Variants in CD69 observed in about 807,000 individuals in gnomAD.
The protein encoded by CD69 is CD69 molecule.
A neutral mutation model predicts 21.4 loss-of-function variants in CD69; 10 were observed. The observed-to-expected ratio is 0.47, with a 90% CI of 0.29 to 0.79. The LOEUF is 0.79. CD69 is among the 30% of genes least tolerant of loss of function. CD69 has a pLI of 0.09. For missense variants in CD69, 204 were observed against 236.9 expected, an observed-to-expected ratio of 0.86 and a Z score of 0.91; for synonymous variants, 63 against 78.2, an observed-to-expected ratio of 0.81 and a Z score of 1.03.
rs747988312 is a variant in CD69, at chr12:9,760,800, G to T, written c.21C>A (p.Phe7Leu). The T allele has an allele frequency of 2.5e-6, 4 of 1,612,410 alleles. No individual in the cohort carries two copies. The highest frequency in any genetic ancestry group is 3.4e-6 in the Non-Finnish European group (4 of 1,179,698). MSSENC[F>L]VAENSSLHPE... is the part of the protein sequence containing the mutation. Reference sequence around the variant, plus strand: ...GATGCAAAGAGCTGTTCTCTGCTACGAAACAATTTTCAGAGCTCATCTTTA... The same window carrying T: ...GATGCAAAGAGCTGTTCTCTGCTACTAAACAATTTTCAGAGCTCATCTTTA... The change falls in exon 1 of 5, where the codon TTC becomes TTA. Residue 7 changes from phenylalanine (F) to leucine (L), a missense_variant. Phe to Leu is a conservative substitution (Grantham distance 22). Transcript: ENST00000228434.
intron 1 of CD69, among the ~76,000 whole-genome samples, chr12:9,758,535 A>G (rs1436334984): frequency 1.3e-5 from 2 of 152,336 alleles, no homozygotes; most frequent in Admixed American, 1.3e-4. Flanking sequence ...TGGTGTCCAC[A>G]TCAACTTTTG....
Position 9,756,298 on chromosome 12 carries a change from T to A in CD69, c.186A>T (p.Ser62=). 1.9e-6 allele frequency: 3 copies of A among 1,612,384 alleles called. No individual in the cohort carries two copies. The highest frequency in any genetic ancestry group is 2.5e-6 in the Non-Finnish European group (3 of 1,179,028). The change falls in exon 2 of 5, where the codon TCA becomes TCT. Residue 62 remains serine (S), a splice_region_variant and synonymous_variant. Transcript: ENST00000228434. ...TILIIALIAL[S]VGQYNCPGQY... Reference sequence around the variant, plus strand: ...AGAATTGATGAAGTGTAGACCCACCTGATAAGGCAATGAGAGCTATGATTA... The same window carrying A: ...AGAATTGATGAAGTGTAGACCCACCAGATAAGGCAATGAGAGCTATGATTA...
In CD69 at chr12:9,758,694, G is replaced by A. The variant is rs181948755; in HGVS notation, c.64+2063C>T. On this transcript the variant is annotated intron_variant, in intron 1 of 4. Coordinates refer to ENST00000228434, the MANE Select transcript of CD69 (RefSeq NM_001781.2). ...CGGTATAGAATCATCATTGGAAGCCGCCTTTGCTACCCAAGGTACCAAGTT... is the reference window on the plus strand; with the variant it reads ...CGGTATAGAATCATCATTGGAAGCCACCTTTGCTACCCAAGGTACCAAGTT... Among the ~76,000 whole-genome samples the A allele has an allele frequency of 1.4e-3, 208 of 152,194 alleles. 1 individual carries two copies. The highest frequency in any genetic ancestry group is 4.6e-3 in the African/African-American group (192 of 41,532).
At position 9,754,734 on chromosome 12, in the gene CD69, T is replaced by G. The variant is rs148085829; in HGVS notation, c.388-44A>C. On this transcript the variant is annotated intron_variant, in intron 3 of 4. Transcript: ENST00000228434. ...GAGTTTGTTACATTAAACACCCTTC[T>G]GGGGAAGTAGATAGTAAATCCTGTT... The G allele has an allele frequency of 3.5e-4, 416 of 1,193,770 alleles. 2 individuals are homozygous for G. The East Asian group carries it at 9.5e-3, about 27-fold the overall frequency. 73.9% of individuals were successfully genotyped at this position (1,193,770 alleles called of 1,614,324 possible). A position where few individuals can be genotyped will look rare whatever the true frequency, so the allele number is the denominator to read the frequency against.
At chr12:9,754,752 A>C in intron 3 of CD69, 62 bp from the exon 4 acceptor site, 1 of 1,072,810 alleles carries the variant, frequency 9.3e-7, no homozygotes, top group Admixed American at 1.7e-5. Flanking sequence ...TAGATAGTAA[A>C]TCCTGTTTCT....
chr12:9,758,700 G>T (rs1313457882), intron 1 of CD69, among the ~76,000 whole-genome samples: 8 of 152,086 alleles, frequency 5.3e-5, no homozygotes, highest in Non-Finnish European at 1.0e-4. Context: ...AGCCGCCTTT[G>T]CTACCCAAGG....
chr12:9,755,011 AT>A (rs1272429479), intron 3 of CD69, 50 bp downstream of exon 3: 2 of 1,426,890 alleles, frequency 1.4e-6, no homozygotes, highest in Non-Finnish European at 2.0e-6. Flanking sequence ...GAAAGCACTG[AT>A]TAGCCATATG....
Position 9,760,790 on chromosome 12 carries a change from T to A in CD69, c.31A>T (p.Asn11Tyr). MSSENCFVAE[N>Y]SSLHPESGQE... is the part of the protein sequence containing the mutation. ...CCACTCTCCGGATGCAAAGAGCTGT[T>A]CTCTGCTACGAAACAATTTTCAGAG... Residue 11 changes from asparagine to tyrosine, a missense_variant, in exon 1 of 5, where the codon AAC becomes TAC. Asn to Tyr is a moderately radical substitution (Grantham distance 143). Transcript: ENST00000228434. 6.2e-7 allele frequency: 1 copy of A among 1,612,974 alleles called. No individual in the cohort carries two copies. Among genetic ancestry groups the A allele is most frequent in the Non-Finnish European group, 8.5e-7 (1 of 1,179,880 alleles).
intron 1 of CD69, among the ~76,000 whole-genome samples, chr12:9,758,048 A>G (rs1866696250): frequency 8.5e-6 from 1 of 117,482 alleles, no homozygotes; most frequent in Non-Finnish European, 1.7e-5. Flanking sequence ...ACAATGGTGA[A>G]ACAAAGTAAA....
At chr12:9,759,264 T>C (rs1375030600) in intron 1 of CD69, among the ~76,000 whole-genome samples, 1 of 152,154 alleles carries the variant, frequency 6.6e-6, no homozygotes, top group Non-Finnish European at 1.5e-5. Flanking sequence ...AACATTTCCC[T>C]CAACAGCACA....
chr12:9,754,719 C>T (rs1439926664), intron 3 of CD69, 29 bp from the exon 4 acceptor site: 3 of 1,307,686 alleles, frequency 2.3e-6, no homozygotes, highest in Non-Finnish European at 2.2e-6. Flanking sequence ...GAGTTTGTTA[C>T]ATTAAACACC....
chr12:9,760,713 T>C (rs779537206), intron 1 of CD69, 44 bp downstream of exon 1: 22 of 1,351,142 alleles, frequency 1.6e-5, no homozygotes, highest in Non-Finnish European at 2.0e-5. Flanking sequence ...TAATGTCATA[T>C]ATAGAGATAC....
chr12:9,759,295 C>G, intron 1 of CD69, among the ~76,000 whole-genome samples: 1 of 152,052 alleles, frequency 6.6e-6, no homozygotes. Context: ...GATTTCAGGT[C>G]CTGCACATTA....
intron 4 of CD69, 45 bp downstream of exon 4, chr12:9,754,542 T>C: frequency 9.3e-7 from 1 of 1,079,786 alleles, no homozygotes; most frequent in Non-Finnish European, 1.4e-6. Flanking sequence ...GTGATTTTCC[T>C]GAGATGCCAC....
chr12:9,760,471 C>G (rs1417003445), intron 1 of CD69, among the ~76,000 whole-genome samples: 1 of 152,078 alleles, frequency 6.6e-6, no homozygotes, highest in African/African-American at 2.4e-5. Flanking sequence ...CTTTAAAGAT[C>G]TTCTGAAATT....
rs966323258 is a variant in CD69, at chr12:9,754,644, A to G, written c.434T>C (p.Leu145Pro). Residue 145 changes from leucine (L) to proline (P), a missense_variant, in exon 4 of 5, where the codon CTG (leucine) becomes CCG (proline). Transcript: ENST00000228434. ...CCATGGGTGACCAGGTTCCTTTTTC[A>G]GTCCAACCCAGTGTTCCTCTCTACC... ...YAGREEHWVG[L>P]KKEPGHPWKW... 6.2e-7 allele frequency: 1 copy of G among 1,612,968 alleles called. No individual in the cohort carries two copies. Among genetic ancestry groups the G allele is most frequent in the Middle Eastern group, 1.7e-4 (1 of 6,058 alleles).
At chr12:9,756,030 A>G (rs1866676339) in intron 2 of CD69, 1 of 203,968 alleles carries the variant, frequency 4.9e-6, no homozygotes, top group African/African-American at 2.3e-5. Context: ...TTCATTCTAG[A>G]TGTAAACATC....
chr12:9,753,653 A>C, intron 4 of CD69, 64 bp from the exon 5 acceptor site: 1 of 725,146 alleles, frequency 1.4e-6, no homozygotes, highest in South Asian at 1.9e-5. Context: ...GTTACATGAG[A>C]ATGAACTCGG....
At chr12:9,754,564 T>C in intron 4 of CD69, 23 bp downstream of exon 4, 1 of 1,348,812 alleles carries the variant, frequency 7.4e-7, no homozygotes, top group Non-Finnish European at 1.1e-6. Context: ...CTGGGGAATA[T>C]AAAGAGACTT....
Sources: gnomAD v4.1 joint callset for allele counts (sites outside exome capture counted in the v4.1 genomes callset) on GRCh38, gnomAD v4.1.1 for gene constraint, MANE v1.5 for transcripts, NCBI Gene and HGNC (gene_info 2026-07-23, HGNC 2026-07-21) for gene names.